SYT15B: variants seen among roughly 807,000 people sequenced by gnomAD.
SYT15B encodes synaptotagmin-15.
the SYT15B span, chr10:47,763,399 A>G: frequency 2.0e-6 from 2 of 985,334 alleles, no homozygotes; most frequent in Non-Finnish European, 2.4e-6. Flanking sequence ...CAGTCTTCTC[A>G]ATTGGGTTAA....
the SYT15B span, among the ~76,000 whole-genome samples, chr10:47,749,077 A>G: frequency 1.3e-5 from 1 of 78,030 alleles, no homozygotes; most frequent in South Asian, 4.9e-4. Flanking sequence ...TACAAAAAAT[A>G]CAAAAGAATT....
At chr10:47,761,102 GCACACACA>G in the SYT15B span, among the ~76,000 whole-genome samples, 3 of 145,494 alleles carry the variant, frequency 2.1e-5, no homozygotes, top group African/African-American at 7.7e-5. Context: ...ACACACACAC[GCACACACA>G]CACACACACA....
the SYT15B span, among the ~76,000 whole-genome samples, chr10:47,747,246 G>C: frequency 2.0e-5 from 3 of 152,084 alleles, no homozygotes; most frequent in African/African-American, 4.8e-5. Context: ...TGGAGACTGA[G>C]GTTGTCAAGG....
At chr10:47,758,159 A>AT in the SYT15B span, 5 of 420,856 alleles carry the variant, frequency 1.2e-5, no homozygotes, top group Non-Finnish European at 1.9e-5. Flanking sequence ...GTGACTTGTT[A>AT]TTCTGGACAT....
At chr10:47,761,109 C>CAT in the SYT15B span, among the ~76,000 whole-genome samples, 1 of 149,340 alleles carries the variant, frequency 6.7e-6, no homozygotes, top group African/African-American at 2.5e-5. Context: ...CACGCACACA[C>CAT]ACACACACAC....
chr10:47,762,204 C>A, the SYT15B span, among the ~76,000 whole-genome samples: 1 of 151,808 alleles, frequency 6.6e-6, no homozygotes, highest in Admixed American at 6.6e-5. Context: ...GGAGTTGGTG[C>A]GACGCGGTGG....
At chr10:47,754,953 CTTTTCTTTTCT>C in the SYT15B span, among the ~76,000 whole-genome samples, 1 of 27,904 alleles carries the variant, frequency 3.6e-5, no homozygotes, top group East Asian at 3.1e-3. Context: ...CTTTCTTTTT[CTTTTCTTTTCT>C]TTTTTTTTTT....
At chr10:47,748,546 A>G in the SYT15B span, among the ~76,000 whole-genome samples, 1 of 152,160 alleles carries the variant, frequency 6.6e-6, no homozygotes, top group Non-Finnish European at 1.5e-5. Flanking sequence ...TGCAAATGAA[A>G]GACAAGGAAA....
chr10:47,762,297 C>A, the SYT15B span, among the ~76,000 whole-genome samples: 1 of 151,458 alleles, frequency 6.6e-6, no homozygotes, highest in Non-Finnish European at 1.5e-5. Flanking sequence ...GGAGGCTTCG[C>A]CCCGGGGGTG....
chr10:47,755,260 C>CT, the SYT15B span, among the ~76,000 whole-genome samples: 15,466 of 138,924 alleles, frequency 0.11, 189 homozygotes, highest in Non-Finnish European at 0.13. Context: ...CAGCCAACCT[C>CT]TTTTTTTTTT....
the SYT15B span, chr10:47,756,012 CCCAG>C: frequency 2.2e-6 from 1 of 452,284 alleles, no homozygotes; most frequent in South Asian, 4.7e-5. Flanking sequence ...TGGTCCCCAT[CCCAG>C]CAGCCCAGGG....
At chr10:47,745,761 T>C in the SYT15B span, among the ~76,000 whole-genome samples, 35 of 135,206 alleles carry the variant, frequency 2.6e-4, 1 homozygote, top group African/African-American at 9.0e-4. Flanking sequence ...ACCTGAATTC[T>C]TCACCCCTCC....
chr10:47,762,345 G>C, the SYT15B span, among the ~76,000 whole-genome samples: 5 of 145,832 alleles, frequency 3.4e-5, no homozygotes, highest in South Asian at 1.1e-3. Flanking sequence ...CACCTGGGGC[G>C]GGCCAAAAAG....
chr10:47,748,107 T>C, the SYT15B span, among the ~76,000 whole-genome samples: 4 of 152,140 alleles, frequency 2.6e-5, no homozygotes, highest in African/African-American at 9.6e-5. Context: ...GAAGGAACAG[T>C]TAAATAAATA....
At chr10:47,751,150 T>C in the SYT15B span, 5 of 151,932 alleles carry the variant, frequency 3.3e-5, no homozygotes, top group Non-Finnish European at 7.3e-5. Flanking sequence ...CCCCTGAGAT[T>C]GAGGATGGAC....
At chr10:47,755,555 CTT>C in the SYT15B span, among the ~76,000 whole-genome samples, 74 of 82,960 alleles carry the variant, frequency 8.9e-4, no homozygotes, top group African/African-American at 3.1e-3. Context: ...GTGCCCGGCC[CTT>C]TTTTTTTTTT....
At chr10:47,762,183 A>C in the SYT15B span, among the ~76,000 whole-genome samples, 1 of 151,324 alleles carries the variant, frequency 6.6e-6, no homozygotes, top group East Asian at 2.0e-4. Flanking sequence ...CAAGGTGAGC[A>C]CGCGCTTAGG....
At chr10:47,753,228 G>T in the SYT15B span, 2 of 794,570 alleles carry the variant, frequency 2.5e-6, no homozygotes, top group Non-Finnish European at 3.0e-6. Context: ...ACGATGCCAG[G>T]TGCAAATACA....
At chr10:47,749,518 G>A in the SYT15B span, among the ~76,000 whole-genome samples, 4 of 139,970 alleles carry the variant, frequency 2.9e-5, no homozygotes, top group African/African-American at 7.8e-5. Context: ...TAGAATGGAG[G>A]TAAATAGAGA....
Sources: gnomAD v4.1 joint callset for allele counts (sites outside exome capture counted in the v4.1 genomes callset) on GRCh38, gnomAD v4.1.1 for gene constraint, MANE v1.5 for transcripts, NCBI Gene and HGNC (gene_info 2026-07-23, HGNC 2026-07-21) for gene names.